The following ARL13B variants were observed in gnomAD, a reference collection of about 807,000 sequenced individuals.
The protein encoded by ARL13B is ADP-ribosylation factor-like protein 13B.
Under a neutral mutation model 56.1 loss-of-function variants are expected in ARL13B, and 36 were observed. That is an observed-to-expected ratio of 0.64 (90% CI 0.49 to 0.85). The LOEUF (loss-of-function observed/expected upper bound fraction) is 0.85. Ranked by LOEUF, ARL13B falls within the 40% of genes least tolerant of loss-of-function variation. ARL13B has a pLI of 0.00. For missense variants in ARL13B, 519 were observed against 507.1 expected (o/e 1.02, Z -0.23); for synonymous variants, 178 against 171.1 (o/e 1.04, Z -0.32).
intron 2 of ARL13B, among the ~76,000 whole-genome samples, chr3:94,000,682 G>A (rs938534405): frequency 4.6e-5 from 7 of 151,954 alleles, no homozygotes; most frequent in Admixed American, 4.6e-4. Context: ...AGAGCTCTAT[G>A]GGATCAGAAG....
In ARL13B at chr3:94,036,768, T is replaced by A; in HGVS notation, c.689+14T>A. On this transcript the variant is annotated intron_variant, in intron 5 of 9. Coordinates refer to ENST00000394222, the MANE Select transcript of ARL13B (RefSeq NM_001174150.2). ...ACGAGAAGAAAGGTAAGTAGATTAA[T>A]TTTGTACCACAGTGCATTTGAAGGA... 6.2e-7 allele frequency: 1 copy of A among 1,601,234 alleles called. No individual in the cohort carries two copies. The highest frequency in any genetic ancestry group is 8.5e-7 in the Non-Finnish European group (1 of 1,173,504).
chr3:93,998,154 A>G (rs964566987), intron 2 of ARL13B, among the ~76,000 whole-genome samples: 4 of 152,212 alleles, frequency 2.6e-5, no homozygotes, highest in South Asian at 2.1e-4. Flanking sequence ...CTTGTGGGCC[A>G]TACAAAAACA....
chr3:94,050,166 G>GA (rs77813443), intron 8 of ARL13B, among the ~76,000 whole-genome samples: 13,648 of 90,078 alleles, frequency 0.15, 820 homozygotes, highest in Middle Eastern at 0.29. Flanking sequence ...TCCATCTCGG[G>GA]AAAAAAAAAA....
At position 94,054,050 on chromosome 3, in the gene ARL13B, T is replaced by C. The variant is rs1251937741; in HGVS notation, c.*787T>C. ...GTTTTTTAAATTAATCAAAATACAT[T>C]CTGTGAGATACTATTAAAAGTCTCA... On this transcript the variant is annotated 3_prime_UTR_variant, in exon 10 of 10. Transcript: ENST00000394222. 2 of 439,078 alleles carry C rather than the reference T, an allele frequency of 4.6e-6. No homozygotes were observed. Among genetic ancestry groups the C allele is most frequent in the Non-Finnish European group, 4.5e-6 (1 of 220,580 alleles). 27.2% of individuals were successfully genotyped at this position (439,078 alleles called of 1,614,324 possible). A position where few individuals can be genotyped will look rare whatever the true frequency, so the allele number is the denominator to read the frequency against.
intron 1 of ARL13B, among the ~76,000 whole-genome samples, chr3:93,990,264 TC>T (rs1174553583): frequency 3.3e-5 from 5 of 152,242 alleles, no homozygotes; most frequent in African/African-American, 1.2e-4. Context: ...TGCGTTGGCA[TC>T]CCAAAGTGCT....
intron 7 of ARL13B, among the ~76,000 whole-genome samples, chr3:94,043,955 A>G (rs998199159): frequency 3.3e-5 from 5 of 151,538 alleles, no homozygotes; most frequent in Admixed American, 1.3e-4. Flanking sequence ...CGCTCACTCA[A>G]CGCTCAATGT....
chr3:94,050,839 C>T lies in ARL13B; in HGVS notation c.1157C>T (p.Pro386Leu), dbSNP rs772175113. 1.2e-6 allele frequency: 2 copies of T among 1,612,596 alleles called. No individual in the cohort carries two copies. The highest frequency in any genetic ancestry group is 2.2e-5 in the East Asian group (1 of 44,786). Residue 386 changes from proline to leucine, a missense_variant, in exon 9 of 10, where the codon CCT (proline) becomes CTT (leucine). By Grantham distance (98) the Pro-to-Leu change is moderately conservative. Transcript: ENST00000394222. ...TTTTCTTTAGTTGGCTGGGGAACCC[C>T]TAAAGTCACTAGACTTCCAAAACTT... ...PPPPPVGWGTPKVTRLPKLEP... is the reference protein window; with the variant it reads ...PPPPPVGWGTLKVTRLPKLEP...
At chr3:94,010,608 G>A (rs975232012) in intron 3 of ARL13B, among the ~76,000 whole-genome samples, 3 of 151,828 alleles carry the variant, frequency 2.0e-5, no homozygotes, top group African/African-American at 7.3e-5. Context: ...TATTAAGTGT[G>A]TATATAAAAT....
Position 93,995,887 on chromosome 3 carries a change from TTG to T in ARL13B, c.74_75del (p.Leu25TyrfsTer5), listed in dbSNP as rs746573672. The T allele has an allele frequency of 1.9e-6, 3 of 1,612,312 alleles. No individual in the cohort carries two copies. The highest frequency in any genetic ancestry group is 2.5e-6 in the Non-Finnish European group (3 of 1,178,968). On this transcript the variant is annotated frameshift_variant, in exon 2 of 10. Transcript: ENST00000394222. LOFTEE classifies it high-confidence loss of function. ...TATTATTTTAAGAAAGGTGACTCTTTTGATGGTGGGACTTGATAATGCTGGTA... is the reference window on the plus strand; with the variant it reads ...TATTATTTTAAGAAAGGTGACTCTTTATGGTGGGACTTGATAATGCTGGTA... Reference protein sequence around the residue: ...WREPVRKVTLLMVGLDNAGKT... With the variant: ...WREPVRKVTLXMVGLDNAGKT...
At chr3:93,987,349 A>G (rs1276427493) in intron 1 of ARL13B, among the ~76,000 whole-genome samples, 3 of 152,148 alleles carry the variant, frequency 2.0e-5, no homozygotes, top group Non-Finnish European at 4.4e-5. Flanking sequence ...TTCTGAGATA[A>G]GATATTCTCA....
In ARL13B at chr3:94,043,109, TAG is replaced by T; in HGVS notation, c.897_898del (p.Glu299AspfsTer6). 3.1e-6 allele frequency: 5 copies of T among 1,613,388 alleles called. No homozygotes were observed. The highest frequency in any genetic ancestry group is 4.2e-6 in the Non-Finnish European group (5 of 1,179,864). ...AAACATAAAATGGAGCATGAGCAAA[TAG>T]AGACACAAGGCCAGGTTAATCACAA... is the stretch of plus-strand genomic sequence containing the variant. On this transcript the variant is annotated frameshift_variant, in exon 7 of 10. Transcript: ENST00000394222. LOFTEE classifies it high-confidence loss of function.
At chr3:94,012,430 T>C (rs1415810361) in intron 3 of ARL13B, among the ~76,000 whole-genome samples, 4 of 152,180 alleles carry the variant, frequency 2.6e-5, no homozygotes, top group Non-Finnish European at 2.9e-5. Context: ...CTGTATCCTG[T>C]AATTCTACCT....
intron 2 of ARL13B, among the ~76,000 whole-genome samples, chr3:94,000,061 C>T: frequency 6.6e-6 from 1 of 152,138 alleles, no homozygotes; most frequent in Non-Finnish European, 1.5e-5. Flanking sequence ...AGGAGCTGAA[C>T]CAAAAGCTGC....
intron 3 of ARL13B, among the ~76,000 whole-genome samples, chr3:94,026,632 A>G (rs1391076098): frequency 6.6e-6 from 1 of 152,240 alleles, no homozygotes; most frequent in Non-Finnish European, 1.5e-5. Flanking sequence ...CAGGATTCAT[A>G]TAAGCATAAA....
intron 1 of ARL13B, among the ~76,000 whole-genome samples, chr3:93,982,856 A>G (rs1375782063): frequency 6.6e-6 from 1 of 152,228 alleles, no homozygotes; most frequent in Non-Finnish European, 1.5e-5. Context: ...AGTAAATAAC[A>G]TTAGCAAGTA....
intron 1 of ARL13B, among the ~76,000 whole-genome samples, chr3:93,989,633 A>G (rs554791678): frequency 7.5e-4 from 114 of 151,928 alleles, no homozygotes; most frequent in African/African-American, 2.7e-3. Context: ...GCTCATTGAA[A>G]CCTTATTTAA....
At chr3:93,986,600 G>A (rs995049824) in intron 1 of ARL13B, among the ~76,000 whole-genome samples, 12 of 152,190 alleles carry the variant, frequency 7.9e-5, no homozygotes, top group African/African-American at 2.4e-4. Flanking sequence ...ATAGAGTTCC[G>A]ATGTGTCAAA....
At chr3:94,030,560 A>G (rs937186680) in intron 3 of ARL13B, among the ~76,000 whole-genome samples, 3 of 152,076 alleles carry the variant, frequency 2.0e-5, no homozygotes, top group African/African-American at 7.2e-5. Flanking sequence ...ATTAAATCTT[A>G]AAACAAATAC....
intron 3 of ARL13B, among the ~76,000 whole-genome samples, chr3:94,029,337 TA>T (rs55759240): frequency 0.15 from 10,961 of 74,084 alleles, 961 homozygotes; most frequent in Non-Finnish European, 0.17. Flanking sequence ...TATATATATT[TA>T]TTTTTTTTTT....
Sources: gnomAD v4.1 joint callset for allele counts (sites outside exome capture counted in the v4.1 genomes callset) on GRCh38, gnomAD v4.1.1 for gene constraint, MANE v1.5 for transcripts, NCBI Gene and HGNC (gene_info 2026-07-23, HGNC 2026-07-21) for gene names.